The following TTLL3 variants were observed in gnomAD, a reference collection of about 807,000 sequenced individuals.
TTLL3 encodes tubulin monoglycylase TTLL3.
A neutral mutation model predicts 75.2 loss-of-function variants in TTLL3; 63 were observed. The ratio of observed to expected loss-of-function variants is 0.84; its 90% CI spans 0.68 to 1.03. The LOEUF (loss-of-function observed/expected upper bound fraction) is 1.03. TTLL3 is among the 50% of genes least tolerant of loss of function. The pLI is 0.00. For synonymous variants in TTLL3, 393 were observed against 418.5 expected, an observed-to-expected ratio of 0.94 and a Z score of 0.74; for missense variants, 997 against 1,069.9, an observed-to-expected ratio of 0.93 and a Z score of 0.95.
rs377705249 is a variant in TTLL3 at position 9,812,983 on chromosome 3, T to C, written c.89T>C (p.Ile30Thr). Residue 30 changes from isoleucine (I) to threonine (T), a missense_variant, in exon 3 of 14, where the codon ATC becomes ACC. Transcript: ENST00000685419. Reference sequence around the variant, plus strand: ...ACAATCCAAGGCTGCTACCCGGTGATCCGGTGTCTCTTGCGCCGGAGGGGC... The same window carrying C: ...ACAATCCAAGGCTGCTACCCGGTGACCCGGTGTCTCTTGCGCCGGAGGGGC... ...IFTIQGCYPV[I>T]RCLLRRRGWV... The C allele has an allele frequency of 6.0e-5, 92 of 1,538,348 alleles. No homozygotes were observed. The highest frequency in any genetic ancestry group is 7.2e-5 in the Non-Finnish European group (82 of 1,142,544).
At chr3:9,810,097 G>A, upstream of TTLL3, 4 of 1,440,900 alleles carry the variant, frequency 2.8e-6, no homozygotes, top group Non-Finnish European at 3.6e-6. The surrounding 1 kb of genome is among the most constrained non-coding windows in gnomAD (Gnocchi z 4.4). Flanking sequence ...CCAGGAGGGC[G>A]GCGCGGTGTG....
chr3:9,815,458 G>C (rs964762009), intron 4 of TTLL3, among the ~76,000 whole-genome samples: 1 of 152,228 alleles, frequency 6.6e-6, no homozygotes, highest in African/African-American at 2.4e-5. Flanking sequence ...ATGGGCTGAC[G>C]CTGGTTATTA....
rs1239299692 is a variant in TTLL3, at chr3:9,835,748, C to G, written c.*259C>G. 2 of 463,950 alleles carry G rather than the reference C, an allele frequency of 4.3e-6. No individual in the cohort carries two copies. Among genetic ancestry groups the G allele is most frequent in the Admixed American group, 3.9e-5 (1 of 25,560 alleles). 28.7% of individuals were successfully genotyped at this position (463,950 alleles called of 1,614,324 possible). A position where few individuals can be genotyped will look rare whatever the true frequency, so the allele number is the denominator to read the frequency against. ...CCCCAACCCCAGAGAACAAGCCAAG[C>G]TAGCAGAATGACACCTACCGGGCAT... On this transcript the variant is annotated 3_prime_UTR_variant, in exon 14 of 14. Coordinates refer to ENST00000685419, the MANE Select transcript of TTLL3 (RefSeq NM_001387446.1).
chr3:9,835,056 C>A (rs372690633), intron 13 of TTLL3, 38 bp from the exon 14 acceptor site: 7 of 1,589,496 alleles, frequency 4.4e-6, no homozygotes, highest in Non-Finnish European at 6.0e-6. Context: ...CCACAGACTT[C>A]TGATCATCTC....
rs112802492 is a variant in TTLL3, at chr3:9,822,586, C to T, written c.854+1845C>T. Among the ~76,000 whole-genome samples the T allele has an allele frequency of 2.0e-3, 295 of 151,202 alleles. 2 individuals carry two copies. The highest frequency in any genetic ancestry group is 6.7e-3 in the African/African-American group (276 of 41,254). On this transcript the variant is annotated intron_variant, in intron 8 of 13. Coordinates refer to ENST00000685419, the MANE Select transcript of TTLL3 (RefSeq NM_001387446.1). ...TTACCCAAGCTGGAGTGCAGTGGCG[C>T]AGTCTTGGCTCACTGCAACCTCTGC...
In TTLL3 at chr3:9,812,951, G is replaced by A; in HGVS notation, c.57G>A (p.Lys19=). The A allele has an allele frequency of 6.6e-7, 1 of 1,504,708 alleles. No homozygotes were observed. Among genetic ancestry groups the A allele is most frequent in the Non-Finnish European group, 8.9e-7 (1 of 1,124,788 alleles). The allele number at this position is 1,504,708 out of a possible 1,614,324, so 93.2% of individuals were successfully genotyped here. A position where few individuals can be genotyped will look rare whatever the true frequency, so the allele number is the denominator to read the frequency against. Residue 19 remains lysine, a synonymous_variant, in exon 3 of 14, where the codon AAG becomes AAA. Transcript: ENST00000685419. The stretch of plus-strand genomic sequence containing the variant: ...CTTCTCTCACATTGCAGCAGAAGAA[G>A]ATCTTTACAATCCAAGGCTGCTACC... The part of the protein sequence containing the change: ...IYVERAVKQK[K]IFTIQGCYPV...
intron 8 of TTLL3, among the ~76,000 whole-genome samples, chr3:9,823,402 G>T (rs1472194998): frequency 1.4e-4 from 18 of 124,988 alleles, no homozygotes; most frequent in East Asian, 7.2e-4. Context: ...CAAACAGCCA[G>T]TTTTTTTTTT....
Position 9,816,106 on chromosome 3 carries a change from C to G in TTLL3, c.348C>G (p.Phe116Leu), listed in dbSNP as rs1408039574. The change falls in exon 5 of 14, where the codon TTC (phenylalanine) becomes TTG (leucine). Residue 116 changes from phenylalanine (F) to leucine (L), a missense_variant. By Grantham distance (22) the Phe-to-Leu change is conservative (BLOSUM62 0). Transcript: ENST00000685419. ...TGGTCCAGAATGAGATCCCCTACTT[C>G]ATCTGGACCACTCGGCGGGATGTGC... is the stretch of plus-strand genomic sequence containing the variant. Reference protein sequence around the residue: ...SRMVQNEIPYFIWTTRRDVLD... With the variant: ...SRMVQNEIPYLIWTTRRDVLD... 7.4e-7 allele frequency: 1 copy of G among 1,352,266 alleles called. No individual in the cohort carries two copies. Among genetic ancestry groups the G allele is most frequent in the East Asian group, 4.7e-5 (1 of 21,412 alleles). The allele number at this position is 1,352,266 out of a possible 1,614,324, so 83.8% of individuals were successfully genotyped here.
Position 9,818,894 on chromosome 3 carries a change from T to C in TTLL3, c.632T>C (p.Ile211Thr), listed in dbSNP as rs2080146256. Reference protein sequence around the residue: ...VVKSEWKSYPIQAVEEEASGD... With the variant: ...VVKSEWKSYPTQAVEEEASGD... ...AAGTCTGAGTGGAAGTCATACCCTA[T>C]TCAGGCAGTAGAGGAAGAGGCCTCA... The change falls in exon 7 of 14, where the codon ATT becomes ACT. Residue 211 changes from isoleucine (I) to threonine (T), a missense_variant. By Grantham distance (89) the Ile-to-Thr change is moderately conservative. Coordinates refer to ENST00000685419, the MANE Select transcript of TTLL3 (RefSeq NM_001387446.1). 1 of 1,613,974 alleles carries C rather than the reference T, an allele frequency of 6.2e-7. No homozygotes were observed. Among genetic ancestry groups the C allele is most frequent in the African/African-American group, 1.3e-5 (1 of 74,878 alleles).
intron 11 of TTLL3, 143 bp downstream of exon 11, chr3:9,829,538 C>T: frequency 1.9e-6 from 2 of 1,069,192 alleles, no homozygotes; most frequent in Non-Finnish European, 2.6e-6. Flanking sequence ...ACCTCACTTC[C>T]TTGAGCCTCA....
Position 9,813,257 on chromosome 3 carries a change from A to T in TTLL3, c.227A>T (p.Asp76Val). Residue 76 changes from aspartate (D) to valine (V), a missense_variant, in exon 4 of 14, where the codon GAT becomes GTT. Asp to Val is a radical substitution (Grantham distance 152). Transcript: ENST00000685419. ...DSDTTEDEDE[D>V]EDEEFQPSQL... ...GGCTCTGCATCCACAGAGGATGAAG[A>T]TGAGGACGAGGAGTTCCAGCCATCA... 2 of 1,614,232 alleles carry T rather than the reference A, an allele frequency of 1.2e-6. No individual in the cohort carries two copies. Among genetic ancestry groups the T allele is most frequent in the Non-Finnish European group, 1.7e-6 (2 of 1,180,032 alleles).
rs746000260 is a variant in TTLL3 at position 9,835,401 on chromosome 3, A to G, written c.2360A>G (p.Lys787Arg). Reference sequence around the variant, plus strand: ...ACACCAAATAAAAAGAAACAAGTGAAGTATTTGGGGCTTGACTCCATTGCT... The same window carrying G: ...ACACCAAATAAAAAGAAACAAGTGAGGTATTTGGGGCTTGACTCCATTGCT... The part of the protein sequence containing the change: ...DPTPNKKKQV[K>R]YLGLDSIAVG... The change falls in exon 14 of 14, where the codon AAG becomes AGG. Residue 787 changes from lysine (K) to arginine (R), a missense_variant. By Grantham distance (26) the Lys-to-Arg change is conservative. Transcript: ENST00000685419. 1.2e-6 allele frequency: 2 copies of G among 1,613,600 alleles called. No individual in the cohort carries two copies. Among genetic ancestry groups the G allele is most frequent in the Non-Finnish European group, 1.7e-6 (2 of 1,180,030 alleles).
At position 9,835,150 on chromosome 3, in the gene TTLL3, C is replaced by T. The variant is rs1345297637; in HGVS notation, c.2109C>T (p.Cys703=). The T allele has an allele frequency of 2.5e-6, 4 of 1,614,046 alleles. No individual in the cohort carries two copies. The highest frequency in any genetic ancestry group is 3.3e-5 in the Admixed American group (2 of 59,980). The change falls in exon 14 of 14, where the codon TGC becomes TGT. Residue 703 remains cysteine (C), a synonymous_variant. Transcript: ENST00000685419. ...AGCTGGAAGTGCCTTGTTGCCTCTG[C>T]CCTTTGAAGTCGGAACAATTCCTAG... ...GPQLEVPCCL[C]PLKSEQFLAP... is the part of the protein sequence containing the mutation.
chr3:9,826,011 A>T, intron 9 of TTLL3, 63 bp downstream of exon 9: 1 of 1,579,580 alleles, frequency 6.3e-7, no homozygotes, highest in Non-Finnish European at 8.6e-7. Flanking sequence ...AGTAGAGGCC[A>T]AGGAAGTTAA....
chr3:9,820,930 T>TAGCATAGTCACTAAG lies in TTLL3; in HGVS notation c.854+195_854+209dup, dbSNP rs1259140441. ...GGGCCACTTTTCTTGGTTCTTGGCATAGCATAGTCACTAAGAGCATGGACT... is the reference window on the plus strand; with the variant it reads ...GGGCCACTTTTCTTGGTTCTTGGCATAGCATAGTCACTAAGAGCATAGTCACTAAGAGCATGGACT... On this transcript the variant is annotated intron_variant, in intron 8 of 13. Coordinates refer to ENST00000685419, the MANE Select transcript of TTLL3 (RefSeq NM_001387446.1). 1.1e-5 allele frequency: 10 copies of TAGCATAGTCACTAAG among 930,932 alleles called. No homozygotes were observed. The Admixed American group carries it at 3.0e-4, about 27-fold the overall frequency. The allele number at this position is 930,932 out of a possible 1,614,324, so 57.7% of individuals were successfully genotyped here. A position where few individuals can be genotyped will look rare whatever the true frequency, so the allele number is the denominator to read the frequency against.
At chr3:9,812,271 T>C (rs2079424959) in intron 2 of TTLL3, among the ~76,000 whole-genome samples, 1 of 152,096 alleles carries the variant, frequency 6.6e-6, no homozygotes, top group Non-Finnish European at 1.5e-5. Flanking sequence ...ATTTCAGCAC[T>C]TTGGGAGGCC....
rs2081730367 is a variant in TTLL3, at chr3:9,833,126, A to G, written c.1706A>G (p.Tyr569Cys). Residue 569 changes from tyrosine (Y) to cysteine (C), a missense_variant, in exon 12 of 14, where the codon TAT becomes TGT. Transcript: ENST00000685419. ...CAGCCTGCTGTGGAGGTGCCTCAAT[A>G]TGTGGGCATCCGGCTCCTGGTAGAG... ...YKQPAVEVPQ[Y>C]VGIRLLVEGF... 1 of 1,614,094 alleles carries G rather than the reference A, an allele frequency of 6.2e-7. No individual in the cohort carries two copies. Among genetic ancestry groups the G allele is most frequent in the East Asian group, 2.2e-5 (1 of 44,866 alleles).
rs2080400665 is a variant in TTLL3 at position 9,821,437 on chromosome 3, C to T, written c.854+696C>T. 2.0e-5 allele frequency among the ~76,000 whole-genome samples: 3 copies of T among 152,206 alleles called. No individual in the cohort carries two copies. In the South Asian group the frequency reaches 6.2e-4, roughly 31 times the overall value. ...TCTGAAATGAAGCGTAGCCCCTGTTCTCAACTGGGACACAGCTCAAGGTTT... is the reference window on the plus strand; with the variant it reads ...TCTGAAATGAAGCGTAGCCCCTGTTTTCAACTGGGACACAGCTCAAGGTTT... On this transcript the variant is annotated intron_variant, in intron 8 of 13. Coordinates refer to ENST00000685419, the MANE Select transcript of TTLL3 (RefSeq NM_001387446.1).
intron 8 of TTLL3, 92 bp from the exon 9 acceptor site, chr3:9,825,708 A>T: frequency 6.2e-7 from 1 of 1,609,236 alleles, no homozygotes; most frequent in South Asian, 1.1e-5. Context: ...TGCCTGGATG[A>T]CGGCGGGGGA....
Sources: gnomAD v4.1 joint callset for allele counts (sites outside exome capture counted in the v4.1 genomes callset) on GRCh38, gnomAD v4.1.1 for gene constraint, Gnocchi (gnomAD v3.1) non-coding constraint, MANE v1.5 for transcripts, NCBI Gene and HGNC (gene_info 2026-07-23, HGNC 2026-07-21) for gene names.